KCNAB1: variants seen among roughly 807,000 people sequenced by gnomAD.
KCNAB1 encodes the protein voltage-gated potassium channel subunit beta-1.
A neutral mutation model predicts 64.6 loss-of-function variants in KCNAB1; 35 were observed. The ratio of observed to expected loss-of-function variants is 0.54; its 90% CI spans 0.41 to 0.72. The LOEUF (loss-of-function observed/expected upper bound fraction) is 0.72, where lower values mean the gene tolerates loss of function less well. Among genes scored for constraint, KCNAB1 ranks in the 30% least tolerant of loss-of-function variants. The pLI is 0.00. For synonymous variants in KCNAB1, 177 were observed against 183.8 expected (o/e 0.96, Z 0.30); for missense variants, 401 against 512.9 (o/e 0.78, Z 2.11).
intron 1 of KCNAB1, among the ~76,000 whole-genome samples, chr3:156,139,584 G>GTTTTGT (rs1714574698): frequency 1.8e-5 from 1 of 55,248 alleles, no homozygotes; most frequent in Non-Finnish European, 3.2e-5. Flanking sequence ...ATTGTACTGT[G>GTTTTGT]TTTTTTTTTT....
At chr3:156,120,567 A>G, upstream of KCNAB1, 1 of 1,609,206 alleles carries the variant, frequency 6.2e-7, no homozygotes, top group Non-Finnish European at 8.5e-7. Flanking sequence ...AATTCAGATT[A>G]CTTTGATGAC....
At chr3:156,348,038 T>C (rs1724598818) in intron 1 of KCNAB1, among the ~76,000 whole-genome samples, 1 of 152,068 alleles carries the variant, frequency 6.6e-6, no homozygotes, top group Admixed American at 6.5e-5. Flanking sequence ...TTCTGCTATA[T>C]GCAAGCAAAC....
chr3:156,478,160 T>A (rs1211928775), intron 8 of KCNAB1, among the ~76,000 whole-genome samples: 1 of 152,140 alleles, frequency 6.6e-6, no homozygotes, highest in African/African-American at 2.4e-5. Flanking sequence ...CAACCTTTTT[T>A]TTTCGGTAGT....
chr3:156,377,365 T>C lies in KCNAB1; in HGVS notation c.276-44251T>C, dbSNP rs537585201. On this transcript the variant is annotated intron_variant, in intron 1 of 13. Transcript: ENST00000490337. Reference sequence around the variant, plus strand: ...GGAGGGATGAGCCCCTCCCGAGCCATGCGAACCAAGAGCCAGGGAGCTCTC... The same window carrying C: ...GGAGGGATGAGCCCCTCCCGAGCCACGCGAACCAAGAGCCAGGGAGCTCTC... 2.6e-5 allele frequency among the ~76,000 whole-genome samples: 4 copies of C among 152,122 alleles called. No individual in the cohort carries two copies. In the South Asian group the frequency reaches 8.3e-4, roughly 32 times the overall value.
At chr3:156,317,770 G>A (rs1722376657) in intron 1 of KCNAB1, among the ~76,000 whole-genome samples, 1 of 152,168 alleles carries the variant, frequency 6.6e-6, no homozygotes, top group Admixed American at 6.5e-5. Flanking sequence ...CACAAAGTCA[G>A]TTCCCATTGG....
chr3:156,279,028 C>T (rs1371894716), intron 1 of KCNAB1, among the ~76,000 whole-genome samples: 1 of 151,690 alleles, frequency 6.6e-6, no homozygotes, highest in Non-Finnish European at 1.5e-5. Flanking sequence ...AGGTTAGTTA[C>T]ATATGTATAC....
chr3:156,182,821 C>A (rs1261256769), intron 1 of KCNAB1, among the ~76,000 whole-genome samples: 1 of 151,596 alleles, frequency 6.6e-6, no homozygotes, highest in East Asian at 1.9e-4. Flanking sequence ...GCCTCAGCCT[C>A]CCGAGTAGCT....
chr3:156,535,993 A>C (rs1719031596), intron 13 of KCNAB1, among the ~76,000 whole-genome samples: 2 of 152,092 alleles, frequency 1.3e-5, no homozygotes, highest in South Asian at 4.1e-4. Context: ...GCATCCCCAC[A>C]CCTACACCAA....
chr3:156,531,826 C>T (rs1718720919), intron 13 of KCNAB1, among the ~76,000 whole-genome samples: 1 of 152,248 alleles, frequency 6.6e-6, no homozygotes, highest in African/African-American at 2.4e-5. Flanking sequence ...AATATACATA[C>T]ATCATTTACT....
intron 1 of KCNAB1, among the ~76,000 whole-genome samples, chr3:156,279,779 C>G (rs1271085824): frequency 3.9e-5 from 6 of 152,136 alleles, no homozygotes; most frequent in African/African-American, 1.2e-4. Flanking sequence ...TGAGAAGTGT[C>G]TGTTCATATC....
At chr3:156,468,365 G>A (rs1215905641) in intron 7 of KCNAB1, among the ~76,000 whole-genome samples, 1 of 152,044 alleles carries the variant, frequency 6.6e-6, no homozygotes, top group Non-Finnish European at 1.5e-5. Context: ...GTGTGTGTGT[G>A]TACATAGATA....
chr3:156,179,759 A>G (rs1712677624), intron 1 of KCNAB1, among the ~76,000 whole-genome samples: 1 of 152,236 alleles, frequency 6.6e-6, no homozygotes, highest in Non-Finnish European at 1.5e-5. Flanking sequence ...TCACTCAGGA[A>G]AAGATTGAAT....
intron 1 of KCNAB1, chr3:156,177,018 G>C: frequency 3.4e-6 from 2 of 589,230 alleles, no homozygotes; most frequent in Non-Finnish European, 6.0e-6. Flanking sequence ...GGTCCCTGTA[G>C]TGCCTCTGTC....
intron 2 of KCNAB1, among the ~76,000 whole-genome samples, chr3:156,432,421 A>G (rs1207860672): frequency 6.6e-6 from 1 of 152,200 alleles, no homozygotes; most frequent in East Asian, 1.9e-4. Flanking sequence ...CTTCATCCTA[A>G]CACCTGGATG....
intron 1 of KCNAB1, among the ~76,000 whole-genome samples, chr3:156,395,699 T>G (rs1203968182): frequency 6.6e-6 from 1 of 151,762 alleles, no homozygotes; most frequent in Non-Finnish European, 1.5e-5. Flanking sequence ...AAGGGAACAA[T>G]GGATTCTGGA....
At chr3:156,256,528 C>T (rs1368419791) in intron 1 of KCNAB1, among the ~76,000 whole-genome samples, 1 of 152,160 alleles carries the variant, frequency 6.6e-6, no homozygotes, top group Non-Finnish European at 1.5e-5. Flanking sequence ...GACAGCTTAG[C>T]CCCACCAATG....
At chr3:156,192,962 GT>G (rs747228544) in intron 1 of KCNAB1, among the ~76,000 whole-genome samples, 47 of 152,030 alleles carry the variant, frequency 3.1e-4, no homozygotes, top group Non-Finnish European at 5.3e-4. Context: ...TTCTAATTGG[GT>G]TTAATTAAAT....
At chr3:156,285,580 A>C (rs983242302) in intron 1 of KCNAB1, among the ~76,000 whole-genome samples, 1 of 152,146 alleles carries the variant, frequency 6.6e-6, no homozygotes, top group Non-Finnish European at 1.5e-5. Flanking sequence ...GGCTCACTGC[A>C]ACCTCTGCCT....
chr3:156,148,668 T>C (rs906816407), intron 1 of KCNAB1, among the ~76,000 whole-genome samples: 1 of 152,234 alleles, frequency 6.6e-6, no homozygotes, highest in Non-Finnish European at 1.5e-5. Context: ...GGAACCTAAG[T>C]GCTCCCTTGC....
Sources: gnomAD v4.1 joint callset for allele counts (sites outside exome capture counted in the v4.1 genomes callset) on GRCh38, gnomAD v4.1.1 for gene constraint, MANE v1.5 for transcripts, NCBI Gene and HGNC (gene_info 2026-07-23, HGNC 2026-07-21) for gene names.